The following ZNF600 variants were observed in gnomAD, a reference collection of about 807,000 sequenced individuals.
ZNF600 encodes the protein zinc finger protein 600, also known as zinc finger protein KR-ZNF1.
A neutral mutation model predicts 7.3 loss-of-function variants in ZNF600; 4 were observed. The ratio of observed to expected loss-of-function variants is 0.55; its 90% CI spans 0.27 to 1.25. The LOEUF is 1.25. Among genes scored for constraint, ZNF600 ranks in the 50% most tolerant of loss-of-function variants. The probability of loss-of-function intolerance (pLI) is 0.12; values close to 1 mark genes in which losing one functional copy is unlikely to be tolerated. For synonymous variants in ZNF600, 290 were observed against 308.9 expected, an observed-to-expected ratio of 0.94 and a Z score of 0.64; for missense variants, 911 against 922.1, an observed-to-expected ratio of 0.99 and a Z score of 0.16.
the ZNF600 span, among the ~76,000 whole-genome samples, chr19:52,822,865 A>C: frequency 6.6e-6 from 1 of 152,200 alleles, no homozygotes; most frequent in Non-Finnish European, 1.5e-5. Flanking sequence ...AAAATTTAGA[A>C]TACATAATTA....
exon 4 of ZNF600, chr19:52,767,336 C>T: frequency 6.2e-7 from 1 of 1,613,976 alleles, no homozygotes; most frequent in Admixed American, 1.7e-5. Context: ...GGGAATTATT[C>T]CCATAGTTAT....
At chr19:52,793,814 AC>A in the ZNF600 span, among the ~76,000 whole-genome samples, 1 of 122,008 alleles carries the variant, frequency 8.2e-6, no homozygotes, top group Admixed American at 8.0e-5. Flanking sequence ...ACACACACAC[AC>A]ACAAAAGTGA....
At position 52,765,656 on chromosome 19, in the gene ZNF600, G is replaced by A. The variant is rs780151881; in HGVS notation, c.2307C>T (p.Gly769=). Reference sequence around the variant, plus strand: ...GTGTTGACTGCTTGCTAAAGGCTTTGCCACACTCATTACACTTGTAAGGTT... The same window carrying A: ...GTGTTGACTGCTTGCTAAAGGCTTTACCACACTCATTACACTTGTAAGGTT... Residue 769 remains glycine, a synonymous_variant, in exon 4 of 4, where the codon GGC becomes GGT. Transcript: ENST00000648973. 3 of 1,613,964 alleles carry A rather than the reference G, an allele frequency of 1.9e-6. No individual in the cohort carries two copies. In the East Asian group the frequency reaches 6.7e-5, roughly 36 times the overall value.
the ZNF600 span, among the ~76,000 whole-genome samples, chr19:52,808,775 G>C: frequency 6.6e-6 from 1 of 151,798 alleles, no homozygotes; most frequent in Non-Finnish European, 1.5e-5. Context: ...ATCCCACCAG[G>C]GCACTCAAGC....
At chr19:52,803,828 G>A in the ZNF600 span, among the ~76,000 whole-genome samples, 1 of 152,066 alleles carries the variant, frequency 6.6e-6, no homozygotes, top group Non-Finnish European at 1.5e-5. Context: ...GTGTGGTGGA[G>A]GGTGCCTGTA....
At chr19:52,811,032 G>C in the ZNF600 span, among the ~76,000 whole-genome samples, 35 of 146,420 alleles carry the variant, frequency 2.4e-4, no homozygotes, top group Non-Finnish European at 4.4e-4. Context: ...TGCGATTGCA[G>C]GCACGCGCCG....
the ZNF600 span, among the ~76,000 whole-genome samples, chr19:52,831,464 C>G: frequency 6.6e-6 from 1 of 151,804 alleles, no homozygotes; most frequent in Non-Finnish European, 1.5e-5. Flanking sequence ...CGCCTGCCAC[C>G]AGGCCTGGCT....
At chr19:52,806,773 G>A in the ZNF600 span, among the ~76,000 whole-genome samples, 1 of 151,894 alleles carries the variant, frequency 6.6e-6, no homozygotes, top group Non-Finnish European at 1.5e-5. Context: ...ATGGTGGTGA[G>A]CGCCTGCAGT....
At chr19:52,808,306 C>A in the ZNF600 span, among the ~76,000 whole-genome samples, 1 of 152,152 alleles carries the variant, frequency 6.6e-6, no homozygotes, top group African/African-American at 2.4e-5. Flanking sequence ...GTGATCAAGA[C>A]ACACTTTCAG....
At chr19:52,805,073 C>T in the ZNF600 span, 3 of 151,580 alleles carry the variant, frequency 2.0e-5, no homozygotes, top group Non-Finnish European at 4.4e-5. Context: ...TTGAGACCAT[C>T]CTGCCTAACA....
the ZNF600 span, among the ~76,000 whole-genome samples, chr19:52,814,748 A>G: frequency 6.9e-6 from 1 of 145,892 alleles, no homozygotes; most frequent in Admixed American, 6.9e-5. Flanking sequence ...TTATCTGGAC[A>G]TGGTGGCACT....
At chr19:52,782,971 G>T (rs151049028) in intron 1 of ZNF600, among the ~76,000 whole-genome samples, 231 of 151,236 alleles carry the variant, frequency 1.5e-3, no homozygotes, top group Admixed American at 3.6e-3. Context: ...GAGAACAAAA[G>T]CACTTTTAAT....
the ZNF600 span, chr19:52,800,601 A>G: frequency 1.2e-6 from 2 of 1,612,538 alleles, no homozygotes; most frequent in South Asian, 2.2e-5. Context: ...CTTGTCACAA[A>G]CCTTACATTT....
the ZNF600 span, among the ~76,000 whole-genome samples, chr19:52,819,809 C>T: frequency 7.0e-6 from 1 of 143,698 alleles, no homozygotes; most frequent in Non-Finnish European, 1.5e-5. Flanking sequence ...ACATTGAATT[C>T]TTCCTTACAA....
At chr19:52,822,074 C>CCT in the ZNF600 span, among the ~76,000 whole-genome samples, 1 of 78,696 alleles carries the variant, frequency 1.3e-5, no homozygotes, top group African/African-American at 4.9e-5. Flanking sequence ...TTCTTTTTCC[C>CCT]TTTTTTTTTT....
the ZNF600 span, chr19:52,805,666 A>ATAAC: frequency 6.6e-6 from 1 of 151,388 alleles, no homozygotes; most frequent in African/African-American, 2.4e-5. Flanking sequence ...AAATAAATAA[A>ATAAC]TAAAGTTCTC....
At chr19:52,801,713 TA>T in the ZNF600 span, 6 of 1,606,606 alleles carry the variant, frequency 3.7e-6, no homozygotes, top group African/African-American at 6.7e-5. Flanking sequence ...CTACAAAATA[TA>T]AACACCAATA....
chr19:52,816,042 C>T, the ZNF600 span, among the ~76,000 whole-genome samples: 2,390 of 147,014 alleles, frequency 0.016, 425 homozygotes, highest in African/African-American at 0.06. Context: ...GTACGAGACT[C>T]GCTCTGACAG....
chr19:52,766,845 C>G (rs1465481277), exon 4 of ZNF600: 1 of 1,613,968 alleles, frequency 6.2e-7, no homozygotes, highest in Non-Finnish European at 8.5e-7. Context: ...ACATTCTTCA[C>G]ATTTGTAAGG....
Sources: gnomAD v4.1 joint callset for allele counts (sites outside exome capture counted in the v4.1 genomes callset) on GRCh38, gnomAD v4.1.1 for gene constraint, MANE v1.5 for transcripts, NCBI Gene and HGNC (gene_info 2026-07-23, HGNC 2026-07-21) for gene names.